RIOK3: variants seen among roughly 807,000 people sequenced by gnomAD.
RIOK3 encodes RIO kinase 3, also known as serine/threonine-protein kinase RIO3.
Under a neutral mutation model 63.5 loss-of-function variants are expected in RIOK3, and 40 were observed. That is an observed-to-expected ratio of 0.63 (90% confidence interval 0.49 to 0.82). The LOEUF is 0.82. Ranked by LOEUF, RIOK3 falls within the 40% of genes least tolerant of loss-of-function variation. RIOK3 has a pLI of 0.00. For synonymous variants in RIOK3, 193 were observed against 205.0 expected (o/e 0.94, Z 0.50); for missense variants, 557 against 637.0 (o/e 0.87, Z 1.35).
chr18:23,461,844 C>T (rs973477959), intron 1 of RIOK3, among the ~76,000 whole-genome samples: 1 of 151,936 alleles, frequency 6.6e-6, no homozygotes, highest in African/African-American at 2.4e-5. Context: ...AATCCCAGCA[C>T]TTTGGGAGGC....
At chr18:23,455,302 G>T (rs1598800581) in intron 1 of RIOK3, among the ~76,000 whole-genome samples, 1 of 151,582 alleles carries the variant, frequency 6.6e-6, no homozygotes, top group Admixed American at 6.6e-5. Flanking sequence ...CTCAAACTCC[G>T]ACCTCAAGTG....
At chr18:23,462,940 C>A in intron 1 of RIOK3, 24 bp from the exon 2 acceptor site, 1 of 1,034,440 alleles carries the variant, frequency 9.7e-7, no homozygotes, top group Non-Finnish European at 1.4e-6. Context: ...ATGAATTGAG[C>A]TGTTCTTTTT....
At chr18:23,480,063 A>G (rs1298301935) in intron 12 of RIOK3, among the ~76,000 whole-genome samples, 1 of 152,222 alleles carries the variant, frequency 6.6e-6, no homozygotes, top group Non-Finnish European at 1.5e-5. Flanking sequence ...CCTGCCCTTT[A>G]CTAAACATAG....
chr18:23,453,556 T>G, intron 1 of RIOK3, 54 bp downstream of exon 1: 16 of 1,414,430 alleles, frequency 1.1e-5, no homozygotes, highest in Non-Finnish European at 1.5e-5. Flanking sequence ...GCTGGATCTC[T>G]CGGAAAGCTC....
chr18:23,464,646 T>C lies in RIOK3; in HGVS notation c.543+18T>C, dbSNP rs769765222. ...TGGAAAATGTAAGTTACAGAAAGTA[T>C]CTATCTCTGAATTTAGAGTTTTGTT... On this transcript the variant is annotated intron_variant, in intron 5 of 12. Coordinates refer to ENST00000339486, the MANE Select transcript of RIOK3 (RefSeq NM_003831.5). 6 of 1,416,396 alleles carry C rather than the reference T, an allele frequency of 4.2e-6. No homozygotes were observed. The South Asian group carries it at 5.1e-5, about 12-fold the overall frequency. 87.7% of individuals were successfully genotyped at this position (1,416,396 alleles called of 1,614,324 possible). A position where few individuals can be genotyped will look rare whatever the true frequency, so the allele number is the denominator to read the frequency against.
chr18:23,482,030 C>T lies in RIOK3; in HGVS notation c.*751C>T, dbSNP rs561022180. 1.5e-4 allele frequency: 23 copies of T among 152,254 alleles called. No individual in the cohort carries two copies. The highest frequency in any genetic ancestry group is 1.2e-3 in the South Asian group (6 of 4,820). 9.4% of individuals were successfully genotyped at this position (152,254 alleles called of 1,614,324 possible). ...TATAACTCATGGTGTGGCTAATCTA[C>T]ATTTATCAATAAAATGTAAATTATC... is the stretch of plus-strand genomic sequence containing the variant. On this transcript the variant is annotated 3_prime_UTR_variant, in exon 13 of 13. Coordinates refer to ENST00000339486, the MANE Select transcript of RIOK3 (RefSeq NM_003831.5).
intron 1 of RIOK3, among the ~76,000 whole-genome samples, chr18:23,457,573 G>T (rs947934091): frequency 2.0e-5 from 3 of 152,162 alleles, no homozygotes; most frequent in African/African-American, 7.2e-5. Flanking sequence ...CTAATGCAAG[G>T]TATTAATAGG....
At position 23,464,085 on chromosome 18, in the gene RIOK3, G is replaced by GA. The variant is rs2057389642; in HGVS notation, c.306dup (p.Phe103IlefsTer5). 6.2e-7 allele frequency: 1 copy of GA among 1,609,480 alleles called. No individual in the cohort carries two copies. The highest frequency in any genetic ancestry group is 8.5e-7 in the Non-Finnish European group (1 of 1,178,582). Reference sequence around the variant, plus strand: ...ATATGATGCACAGCTTAGGCGTGAAGAAAAAAAATTCAATGGAGATAGCAA... The same window carrying GA: ...ATATGATGCACAGCTTAGGCGTGAAGAAAAAAAAATTCAATGGAGATAGCAA... On this transcript the variant is annotated frameshift_variant, in exon 3 of 13. Coordinates refer to ENST00000339486, the MANE Select transcript of RIOK3 (RefSeq NM_003831.5). LOFTEE classifies it high-confidence loss of function.
At chr18:23,460,747 A>G (rs1330725484) in intron 1 of RIOK3, among the ~76,000 whole-genome samples, 1 of 152,196 alleles carries the variant, frequency 6.6e-6, no homozygotes, top group Non-Finnish European at 1.5e-5. Context: ...TTCTACCTAG[A>G]GGATACAGAA....
At chr18:23,466,730 AG>A (rs2057411176) in intron 6 of RIOK3, among the ~76,000 whole-genome samples, 2 of 147,646 alleles carry the variant, frequency 1.4e-5, no homozygotes, top group African/African-American at 5.0e-5. Flanking sequence ...AAGCCAGGTG[AG>A]GTGGCTCCCA....
At chr18:23,470,140 G>A (rs113910621) in intron 7 of RIOK3, among the ~76,000 whole-genome samples, 1,983 of 152,150 alleles carry the variant, frequency 0.013, 39 homozygotes, top group African/African-American at 0.045. Flanking sequence ...CGATGGGGGC[G>A]GATCACGAGG....
intron 9 of RIOK3, among the ~76,000 whole-genome samples, chr18:23,475,995 C>A (rs2057488315): frequency 1.4e-5 from 2 of 142,910 alleles, no homozygotes; most frequent in Admixed American, 1.5e-4. Context: ...CTATGTTGCC[C>A]AGGCTGGTCT....
chr18:23,461,821 G>C lies in RIOK3; in HGVS notation c.64-1143G>C, dbSNP rs1228295337. Among the ~76,000 whole-genome samples, 2 of 152,034 alleles carry C rather than the reference G, an allele frequency of 1.3e-5. 1 individual carries two copies. The highest frequency in any genetic ancestry group is 1.3e-4 in the Admixed American group (2 of 15,252). ...ATAAAATTTTGGGGCTAGGCTTGGT[G>C]GCTCACACCTGTAATCCCAGCACTT... On this transcript the variant is annotated intron_variant, in intron 1 of 12. Transcript: ENST00000339486.
intron 1 of RIOK3, among the ~76,000 whole-genome samples, chr18:23,458,205 G>T (rs2057353092): frequency 6.6e-6 from 1 of 151,826 alleles, no homozygotes; most frequent in African/African-American, 2.4e-5. Context: ...GCCCCCGGCT[G>T]CTGTTTTTAA....
rs1210692329 is a variant in RIOK3 at position 23,453,335 on chromosome 18, C to T, written c.-105C>T. 4 of 936,568 alleles carry T rather than the reference C, an allele frequency of 4.3e-6. No homozygotes were observed. Among genetic ancestry groups the T allele is most frequent in the African/African-American group, 1.6e-5 (1 of 62,112 alleles). 58.0% of individuals were successfully genotyped at this position (936,568 alleles called of 1,614,324 possible). A position where few individuals can be genotyped will look rare whatever the true frequency, so the allele number is the denominator to read the frequency against. Reference sequence around the variant, plus strand: ...TCGCCGCCATCTGTCACCTCCACTCCGGCATCAGCAGCCAGTCGCCCGTGT... The same window carrying T: ...TCGCCGCCATCTGTCACCTCCACTCTGGCATCAGCAGCCAGTCGCCCGTGT... On this transcript the variant is annotated 5_prime_UTR_variant, in exon 1 of 13. Transcript: ENST00000339486.
At chr18:23,456,166 A>G (rs768694102) in intron 1 of RIOK3, among the ~76,000 whole-genome samples, 2 of 151,612 alleles carry the variant, frequency 1.3e-5, no homozygotes. Context: ...TCCTGGGCTC[A>G]AGCAGTACCC....
intron 7 of RIOK3, among the ~76,000 whole-genome samples, chr18:23,470,840 G>A (rs547414120): frequency 1.3e-5 from 2 of 152,182 alleles, no homozygotes; most frequent in African/African-American, 2.4e-5. Context: ...CTATCCTAGA[G>A]ACCTTCCAAG....
rs773024712 is a variant in RIOK3 at position 23,453,508 on chromosome 18, T to C, written c.63+6T>C. ...CGGCCTGGGGACCCAGCAAGGTAAG[T>C]GGCAGACGAGACTGGAGTACTAGCC... On this transcript the variant is annotated splice_donor_region_variant and intron_variant, in intron 1 of 12. Transcript: ENST00000339486. 1.9e-6 allele frequency: 3 copies of C among 1,610,096 alleles called. No homozygotes were observed. Among genetic ancestry groups the C allele is most frequent in the South Asian group, 1.1e-5 (1 of 91,012 alleles).
chr18:23,470,054 G>A (rs564290727), intron 7 of RIOK3, among the ~76,000 whole-genome samples: 1 of 152,082 alleles, frequency 6.6e-6, no homozygotes, highest in East Asian at 1.9e-4. Flanking sequence ...GGCACATTCA[G>A]GGAAGATATC....
Sources: gnomAD v4.1 joint callset for allele counts (sites outside exome capture counted in the v4.1 genomes callset) on GRCh38, gnomAD v4.1.1 for gene constraint, MANE v1.5 for transcripts, NCBI Gene and HGNC (gene_info 2026-07-23, HGNC 2026-07-21) for gene names.